Variants in VPS13C observed in about 807,000 individuals in gnomAD.
VPS13C encodes intermembrane lipid transfer protein VPS13C.
VPS13C carries 358 observed loss-of-function variants against 456.8 expected under a neutral mutation model. That is an observed-to-expected ratio of 0.78 (90% CI 0.72 to 0.86). The LOEUF (loss-of-function observed/expected upper bound fraction) is 0.86. Among genes scored for constraint, VPS13C ranks in the 40% least tolerant of loss-of-function variants. The pLI is 0.00. For missense variants in VPS13C, 4,818 were observed against 4,385.4 expected (o/e 1.10, Z -2.79); for synonymous variants, 1,578 against 1,486.7 (o/e 1.06, Z -1.41).
intron 53 of VPS13C, among the ~76,000 whole-genome samples, chr15:61,923,151 A>G (rs1367638248): frequency 6.6e-6 from 1 of 152,132 alleles, no homozygotes; most frequent in Non-Finnish European, 1.5e-5. Flanking sequence ...TAACTAAGCC[A>G]AAGTGTGTGA....
At chr15:61,927,049 G>T in intron 52 of VPS13C, 42 bp downstream of exon 52, 1 of 1,539,864 alleles carries the variant, frequency 6.5e-7, no homozygotes, top group Non-Finnish European at 8.9e-7. Context: ...AACTGTTTCT[G>T]CCATTCTTCA....
intron 80 of VPS13C, 152 bp from the exon 81 acceptor site, chr15:61,868,925 T>G (rs1397777600): frequency 1.7e-5 from 11 of 651,658 alleles, no homozygotes; most frequent in Non-Finnish European, 2.8e-5. Context: ...AAACCAAGTC[T>G]GTCTGACTCC....
intron 83 of VPS13C, among the ~76,000 whole-genome samples, chr15:61,855,796 A>G (rs1264177740): frequency 6.6e-6 from 1 of 152,118 alleles, no homozygotes; most frequent in Non-Finnish European, 1.5e-5. Context: ...AAGAAAGTTA[A>G]GTACTTGAGT....
intron 74 of VPS13C, among the ~76,000 whole-genome samples, chr15:61,877,430 T>G (rs1566963288): frequency 2.6e-5 from 2 of 75,934 alleles, no homozygotes; most frequent in Non-Finnish European, 7.9e-5. Context: ...TCTATGTTAT[T>G]TAAAACTTGA....
chr15:62,024,334 T>C (rs887755632), intron 6 of VPS13C, among the ~76,000 whole-genome samples: 4 of 152,088 alleles, frequency 2.6e-5, no homozygotes, highest in African/African-American at 9.7e-5. Flanking sequence ...AATTATTTAA[T>C]GACTCAAGGA....
At chr15:61,923,139 A>G (rs1225797660) in intron 53 of VPS13C, among the ~76,000 whole-genome samples, 1 of 152,002 alleles carries the variant, frequency 6.6e-6, no homozygotes, top group African/African-American at 2.4e-5. Flanking sequence ...AAACAGCTAC[A>G]TTAACTAAGC....
At chr15:61,903,378 C>T (rs1052815685) in intron 66 of VPS13C, among the ~76,000 whole-genome samples, 1 of 149,918 alleles carries the variant, frequency 6.7e-6, no homozygotes, top group Non-Finnish European at 1.5e-5. Context: ...CAACAACAAA[C>T]AAACTAAAAA....
chr15:61,980,641 A>C (rs1013167808), intron 22 of VPS13C, among the ~76,000 whole-genome samples: 1 of 152,156 alleles, frequency 6.6e-6, no homozygotes, highest in Admixed American at 6.5e-5. Flanking sequence ...TAATCTTAAA[A>C]AAAAAAAAAT....
intron 66 of VPS13C, among the ~76,000 whole-genome samples, chr15:61,899,484 C>T (rs1427627413): frequency 6.6e-6 from 1 of 152,232 alleles, no homozygotes. Context: ...CTATAAACAC[C>T]TCTATGCAAA....
At chr15:62,018,270 C>A (rs1157081661) in intron 9 of VPS13C, among the ~76,000 whole-genome samples, 2 of 152,000 alleles carry the variant, frequency 1.3e-5, no homozygotes, top group Non-Finnish European at 2.9e-5. Context: ...TAATTGAATA[C>A]CCTTTATTTC....
chr15:61,881,290 T>C (rs555079476), intron 71 of VPS13C, among the ~76,000 whole-genome samples: 29 of 152,224 alleles, frequency 1.9e-4, no homozygotes, highest in African/African-American at 6.5e-4. Flanking sequence ...AGCTCACAAA[T>C]ACATATCATT....
chr15:61,941,777 C>A lies in VPS13C; in HGVS notation c.5439G>T (p.Gln1813His), dbSNP rs1323502198. 4 of 1,610,750 alleles carry A rather than the reference C, an allele frequency of 2.5e-6. No individual in the cohort carries two copies. Among genetic ancestry groups the A allele is most frequent in the Non-Finnish European group, 3.4e-6 (4 of 1,178,178 alleles). The change falls in exon 46 of 85, where the codon CAG (glutamine) becomes CAT (histidine). Residue 1813 changes from glutamine (Q) to histidine (H), a missense_variant. Around this residue, in one of 3 missense-constraint regions of VPS13C, gnomAD observed 4,552 missense variants for 4,130.6 expected, o/e 1.10. Transcript: ENST00000644861. Reference sequence around the variant, plus strand: ...CATATTTATACCTTGACAGCTTCAACTGAGTGAGTTCGATGTTCATTTTAT... The same window carrying A: ...CATATTTATACCTTGACAGCTTCAAATGAGTGAGTTCGATGTTCATTTTAT... ...VIDKMNIELT[Q>H]LKLSRTILQA... is the part of the protein sequence containing the mutation.
chr15:61,878,858 G>T, intron 73 of VPS13C, 112 bp from the exon 74 acceptor site: 1 of 1,136,222 alleles, frequency 8.8e-7, no homozygotes, highest in Non-Finnish European at 1.2e-6. Context: ...TAGAGTCCTA[G>T]TGAAAGCTAT....
intron 9 of VPS13C, among the ~76,000 whole-genome samples, chr15:62,014,357 G>GA (rs2047153556): frequency 1.3e-5 from 2 of 152,052 alleles, no homozygotes; most frequent in African/African-American, 2.4e-5. Context: ...AGAAAACCAG[G>GA]AGAGTATGGA....
At position 61,911,912 on chromosome 15, in the gene VPS13C, T is replaced by C; in HGVS notation, c.8643A>G (p.Glu2881=). 1 of 1,612,950 alleles carries C rather than the reference T, an allele frequency of 6.2e-7. No individual in the cohort carries two copies. The highest frequency in any genetic ancestry group is 8.5e-7 in the Non-Finnish European group (1 of 1,179,426). Residue 2881 remains glutamate (E), a synonymous_variant, in exon 63 of 85, where the codon GAA becomes GAG. Transcript: ENST00000644861. ...FCTIANKSSL[E]LEVGEIASDG... The stretch of plus-strand genomic sequence containing the variant: ...CAGATGCAATCTCGCCAACTTCTAG[T>C]TCTAATGATGACTTGTTTGCAATGG...
At chr15:62,022,602 C>T (rs865851322) in intron 8 of VPS13C, among the ~76,000 whole-genome samples, 7 of 151,810 alleles carry the variant, frequency 4.6e-5, no homozygotes, top group African/African-American at 1.5e-4. Context: ...TTTTGACAAT[C>T]TACAAATGTG....
intron 11 of VPS13C, 68 bp from the exon 12 acceptor site, chr15:62,012,232 AC>A: frequency 3.0e-6 from 2 of 666,550 alleles, no homozygotes; most frequent in Non-Finnish European, 5.1e-6. Flanking sequence ...ACACACACAC[AC>A]ACACACACAC....
At position 61,972,806 on chromosome 15, in the gene VPS13C, T is replaced by C. The variant is rs766429710; in HGVS notation, c.2618-42A>G. ...TTTATTTGATCTGAGACAATGTACA[T>C]TGAAAACTGCATGAAACACTCAAAT... On this transcript the variant is annotated intron_variant, in intron 26 of 84. Transcript: ENST00000644861. 5.2e-6 allele frequency: 8 copies of C among 1,541,008 alleles called. 1 individual carries two copies. Among genetic ancestry groups the C allele is most frequent in the Middle Eastern group, 3.9e-4 (2 of 5,104 alleles).
chr15:61,930,363 T>A (rs185647506), intron 50 of VPS13C, among the ~76,000 whole-genome samples: 1 of 152,218 alleles, frequency 6.6e-6, no homozygotes, highest in East Asian at 1.9e-4. Context: ...GACACAAAAT[T>A]TGCAAACTAG....
Sources: gnomAD v4.1 joint callset for allele counts (sites outside exome capture counted in the v4.1 genomes callset) on GRCh38, gnomAD v4.1.1 for gene constraint, gnomAD v4.1.1 regional missense constraint, MANE v1.5 for transcripts, NCBI Gene and HGNC (gene_info 2026-07-23, HGNC 2026-07-21) for gene names.